PRKCZ: variants seen among roughly 807,000 people sequenced by gnomAD.
PRKCZ encodes protein kinase C zeta.
PRKCZ carries 33 observed loss-of-function variants against 79.5 expected under a neutral mutation model. The observed-to-expected ratio is 0.41, with a 90% CI of 0.31 to 0.55. The LOEUF is 0.55. PRKCZ is among the 20% of genes least tolerant of loss of function. The pLI, the probability that PRKCZ is intolerant of heterozygous loss-of-function variation, is 0.19. For synonymous variants in PRKCZ, 342 were observed against 320.9 expected (o/e 1.07, Z -0.70); for missense variants, 578 against 813.5 (o/e 0.71, Z 3.52).
At chr1:2,068,036 T>C (rs1661264143) in intron 4 of PRKCZ, among the ~76,000 whole-genome samples, 2 of 152,202 alleles carry the variant, frequency 1.3e-5, no homozygotes, top group Non-Finnish European at 2.9e-5. Flanking sequence ...GCCACGGGAC[T>C]CTGGACGTGT....
At chr1:2,073,732 T>C (rs1661858283) in intron 4 of PRKCZ, 6 of 998,164 alleles carry the variant, frequency 6.0e-6, no homozygotes, top group Non-Finnish European at 7.2e-6. Context: ...GAGGCAGGGA[T>C]GTGAGGGGCG....
At chr1:2,093,131 A>G (rs1312193689) in intron 4 of PRKCZ, among the ~76,000 whole-genome samples, 1 of 151,650 alleles carries the variant, frequency 6.6e-6, no homozygotes, top group Non-Finnish European at 1.5e-5. Context: ...ACAGAGCTGC[A>G]GCTTTAGCCC....
At chr1:2,069,006 G>A (rs376194987) in intron 4 of PRKCZ, among the ~76,000 whole-genome samples, 3 of 152,110 alleles carry the variant, frequency 2.0e-5, no homozygotes, top group Non-Finnish European at 4.4e-5. Flanking sequence ...CCCAGTTCCC[G>A]CCAGTCACCA....
intron 3 of PRKCZ, 75 bp downstream of exon 3, chr1:2,056,648 G>T: frequency 7.5e-7 from 1 of 1,332,888 alleles, no homozygotes; most frequent in Non-Finnish European, 1.0e-6. Flanking sequence ...CTAGCTGGGG[G>T]ATTTAAAATG....
At position 2,174,872 on chromosome 1, in the gene PRKCZ, C is replaced by T. The variant is rs968052707; in HGVS notation, c.1485+39C>T. On this transcript the variant is annotated intron_variant, in intron 15 of 17. Coordinates refer to ENST00000378567, the MANE Select transcript of PRKCZ (RefSeq NM_002744.6). This position sits in a 1 kb window ranked among gnomAD's most constrained non-coding sequence, Gnocchi z 6.2. ...CATGCTGACAAAATCTCGTTTGTGG[C>T]CTCGGTGTTGGTGGGCAGAGGGCCA... 3 of 1,596,300 alleles carry T rather than the reference C, an allele frequency of 1.9e-6. No homozygotes were observed. In the African/African-American group the frequency reaches 4.0e-5, roughly 21 times the overall value.
chr1:2,184,626 C>T lies in PRKCZ; in HGVS notation c.1619C>T (p.Thr540Ile), dbSNP rs1478156466. 3 of 1,614,100 alleles carry T rather than the reference C, an allele frequency of 1.9e-6. No homozygotes were observed. Among genetic ancestry groups the T allele is most frequent in the Non-Finnish European group, 1.7e-6 (2 of 1,180,014 alleles). ...CTCCCTCCATTCCAGCCACAGATCACAGACGACTACGGTCTGGACAACTTT... is the reference window on the plus strand; with the variant it reads ...CTCCCTCCATTCCAGCCACAGATCATAGACGACTACGGTCTGGACAACTTT... ...QALPPFQPQITDDYGLDNFDT... is the reference protein window; with the variant it reads ...QALPPFQPQIIDDYGLDNFDT... Residue 540 changes from threonine (T) to isoleucine (I), a missense_variant, in exon 17 of 18, where the codon ACA (threonine) becomes ATA (isoleucine). By Grantham distance (89) the Thr-to-Ile change is moderately conservative. Around this residue, in one of 4 missense-constraint regions of PRKCZ, gnomAD observed 243 missense variants for 467.0 expected, o/e 0.52. Transcript: ENST00000378567.
At position 2,152,559 on chromosome 1, in the gene PRKCZ, G is replaced by C. The variant is rs1047125350; in HGVS notation, c.876+1581G>C. ...AAAAATAATAAAATATGCAAACAAA[G>C]TGTACAGTTAGGCGGCTTTTAGCAT... On this transcript the variant is annotated intron_variant, in intron 9 of 17. Transcript: ENST00000378567. Among the ~76,000 whole-genome samples, 192 of 152,286 alleles carry C rather than the reference G, an allele frequency of 1.3e-3. 2 individuals carry two copies. The highest frequency in any genetic ancestry group is 2.1e-4 in the Non-Finnish European group (14 of 68,024).
At chr1:2,169,414 G>C (rs745842874) in intron 10 of PRKCZ, 104 bp from the exon 11 acceptor site, 1 of 958,270 alleles carries the variant, frequency 1.0e-6, no homozygotes, top group Admixed American at 2.0e-5. Context: ...GACTGAACCT[G>C]CGGGAGGGTT....
At chr1:2,126,770 G>A (rs535976981) in intron 4 of PRKCZ, among the ~76,000 whole-genome samples, 5 of 152,208 alleles carry the variant, frequency 3.3e-5, no homozygotes, top group Non-Finnish European at 7.4e-5. Context: ...CCCTCACCCG[G>A]GGTTGCCTTC....
rs1174652706 is a variant in PRKCZ, at chr1:2,094,015, C to T, written c.334+34424C>T. ...TGCTGCCTGACACGTGTGTCTGCTC[C>T]CTGCGGCACGTCCACAGCACCTGCC... On this transcript the variant is annotated intron_variant, in intron 4 of 17. Transcript: ENST00000378567. This position sits in a 1 kb window ranked among gnomAD's most constrained non-coding sequence, Gnocchi z 7.3. Among the ~76,000 whole-genome samples, 1 of 152,178 alleles carries T rather than the reference C, an allele frequency of 6.6e-6. No individual in the cohort carries two copies. Among genetic ancestry groups the T allele is most frequent in the Non-Finnish European group, 1.5e-5 (1 of 68,026 alleles).
chr1:2,071,746 A>T (rs952899642), intron 4 of PRKCZ, among the ~76,000 whole-genome samples: 3 of 152,196 alleles, frequency 2.0e-5, no homozygotes, highest in Non-Finnish European at 2.9e-5. Context: ...TTTACACTGG[A>T]CCAGGATAAA....
intron 4 of PRKCZ, among the ~76,000 whole-genome samples, chr1:2,129,120 C>T (rs1321096253): frequency 6.6e-6 from 1 of 152,168 alleles, no homozygotes; most frequent in African/African-American, 2.4e-5. Context: ...TGCCGGCCCG[C>T]GTGTCCAGGC....
At chr1:2,073,013 C>A (rs990367291) in intron 4 of PRKCZ, among the ~76,000 whole-genome samples, 2 of 152,104 alleles carry the variant, frequency 1.3e-5, no homozygotes, top group African/African-American at 2.4e-5. Flanking sequence ...TGACCAGGTC[C>A]CAGGGTTTGT....
At chr1:2,104,205 G>A (rs1407120333) in intron 4 of PRKCZ, among the ~76,000 whole-genome samples, 2 of 152,158 alleles carry the variant, frequency 1.3e-5, no homozygotes, top group African/African-American at 4.8e-5. Flanking sequence ...ACTTTCCCCA[G>A]GGCCCTCATC....
chr1:2,162,432 C>T (rs750042931), intron 10 of PRKCZ, among the ~76,000 whole-genome samples: 11 of 152,186 alleles, frequency 7.2e-5, no homozygotes, highest in African/African-American at 1.4e-4. Flanking sequence ...GGGCCTGGCC[C>T]GAAACTGGCA....
At position 2,126,039 on chromosome 1, in the gene PRKCZ, G is replaced by A. The variant is rs985236366; in HGVS notation, c.335-9223G>A. On this transcript the variant is annotated intron_variant, in intron 4 of 17. Coordinates refer to ENST00000378567, the MANE Select transcript of PRKCZ (RefSeq NM_002744.6). ...CTGTCCTGAAGGCTGTCGCCCGATC[G>A]CTCTATCCAAGGCTGCCCTGGGGCA... 3.6e-4 allele frequency among the ~76,000 whole-genome samples: 54 copies of A among 152,038 alleles called. 1 individual carries two copies. Among genetic ancestry groups the A allele is most frequent in the African/African-American group, 1.3e-3 (54 of 41,404 alleles).
rs146397342 is a variant in PRKCZ at position 2,060,850 on chromosome 1, C to T, written c.334+1259C>T. On this transcript the variant is annotated intron_variant, in intron 4 of 17. Coordinates refer to ENST00000378567, the MANE Select transcript of PRKCZ (RefSeq NM_002744.6). ...GAGGCTTTGGAGGCAGGTGGCCAGA[C>T]GGTGGGCGTCAGGGCCCTGATCACC... Among the ~76,000 whole-genome samples the T allele has an allele frequency of 3.0e-3, 457 of 152,284 alleles. 5 individuals carry two copies. The highest frequency in any genetic ancestry group is 1.0e-2 in the African/African-American group (414 of 41,558).
At chr1:2,061,349 C>G (rs1259845030) in intron 4 of PRKCZ, among the ~76,000 whole-genome samples, 2 of 151,160 alleles carry the variant, frequency 1.3e-5, no homozygotes, top group African/African-American at 4.9e-5. Flanking sequence ...GACAACCTGC[C>G]GGCCTTGCGT....
At position 2,059,564 on chromosome 1, in the gene PRKCZ, C is replaced by T; in HGVS notation, c.307C>T (p.Pro103Ser). 6.2e-7 allele frequency: 1 copy of T among 1,614,184 alleles called. No homozygotes were observed. The highest frequency in any genetic ancestry group is 8.5e-7 in the Non-Finnish European group (1 of 1,180,010). The change falls in exon 4 of 18, where the codon CCT (proline) becomes TCT (serine). Residue 103 changes from proline (P) to serine (S), a missense_variant. Coordinates refer to ENST00000378567, the MANE Select transcript of PRKCZ (RefSeq NM_002744.6). ...IHVFPSTPEQ[P>S]GLPCPGEDKS... ...AGTTTTCCCGAGCACCCCTGAGCAG[C>T]CTGGCCTGCCATGTCCGGGAGAAGA...
Sources: allele counts gnomAD v4.1 joint callset (sites outside exome capture counted in the v4.1 genomes callset), GRCh38; gene constraint gnomAD v4.1.1; regional missense constraint gnomAD v4.1.1; non-coding constraint Gnocchi (gnomAD v3.1); transcripts MANE v1.5; gene names NCBI Gene and HGNC (gene_info 2026-07-23, HGNC 2026-07-21).